The following PC variants were observed in gnomAD, a reference collection of about 807,000 sequenced individuals.
PC encodes pyruvate carboxylase.
PC carries 46 observed loss-of-function variants against 107.8 expected under a neutral mutation model. That is an observed-to-expected ratio of 0.43 (90% CI 0.34 to 0.55). The LOEUF is 0.55. Ranked by LOEUF, PC falls within the 20% of genes least tolerant of loss-of-function variation. The pLI, the probability that PC is intolerant of heterozygous loss-of-function variation, is 0.04. For synonymous variants in PC, 662 were observed against 684.7 expected (o/e 0.97, Z 0.52); for missense variants, 1,241 against 1,643.1 (o/e 0.76, Z 4.23).
chr11:66,883,773 T>G (rs1487205979), intron 3 of PC, among the ~76,000 whole-genome samples: 1 of 152,036 alleles, frequency 6.6e-6, no homozygotes, highest in Non-Finnish European at 1.5e-5. Context: ...ACAATGAGGT[T>G]GCAGAGTGGC....
At chr11:66,897,565 T>C (rs1201477644) in intron 3 of PC, among the ~76,000 whole-genome samples, 2 of 152,076 alleles carry the variant, frequency 1.3e-5, no homozygotes, top group Non-Finnish European at 2.9e-5. Flanking sequence ...GAGAGAGACC[T>C]GCCTACAAAA....
At position 66,852,137 on chromosome 11, in the gene PC, CATTT is replaced by C. The variant is rs1443779262; in HGVS notation, c.1826-195_1826-192del. 1.3e-5 allele frequency among the ~76,000 whole-genome samples: 2 copies of C among 152,214 alleles called. No homozygotes were observed. The highest frequency in any genetic ancestry group is 2.9e-5 in the Non-Finnish European group (2 of 68,038). On this transcript the variant is annotated intron_variant, in intron 15 of 22. Coordinates refer to ENST00000393960, the MANE Select transcript of PC (RefSeq NM_001040716.2). The surrounding 1 kb of genome is among the most constrained non-coding windows in gnomAD (Gnocchi z 4.7). ...TGATCTCTAAGGGGGAGACCAGGCTCATTTGTGTCCCTTCTATGCCCCCTTTATA... is the reference window on the plus strand; with the variant it reads ...TGATCTCTAAGGGGGAGACCAGGCTCGTGTCCCTTCTATGCCCCCTTTATA...
At chr11:66,856,216 C>G (rs1027743809) in intron 12 of PC, among the ~76,000 whole-genome samples, 2 of 152,268 alleles carry the variant, frequency 1.3e-5, no homozygotes, top group East Asian at 1.9e-4. Flanking sequence ...GGCCCGGCGG[C>G]GACAGAGCGG....
intron 3 of PC, among the ~76,000 whole-genome samples, chr11:66,937,339 G>A (rs1347016475): frequency 6.6e-6 from 1 of 152,186 alleles, no homozygotes; most frequent in African/African-American, 2.4e-5. Context: ...GGAGAAATGA[G>A]CTGTTAATCT....
At chr11:66,943,031 TAA>T (rs1949185402) in intron 3 of PC, among the ~76,000 whole-genome samples, 1 of 77,986 alleles carries the variant, frequency 1.3e-5, no homozygotes, top group South Asian at 3.2e-4. Flanking sequence ...AAAAAAAAAG[TAA>T]GTTTAATATC....
At chr11:66,859,168 C>T in intron 12 of PC, 1 of 1,434,976 alleles carries the variant, frequency 7.0e-7, no homozygotes. Context: ...CAAGGCTTTG[C>T]TTCCACCCCT....
At chr11:66,874,084 C>T (rs1426126835) in intron 3 of PC, among the ~76,000 whole-genome samples, 2 of 152,084 alleles carry the variant, frequency 1.3e-5, no homozygotes, top group South Asian at 4.1e-4. Flanking sequence ...CTCAGCCTCC[C>T]GAGTAGCTGG....
In PC at chr11:66,870,707, C is replaced by G; in HGVS notation, c.751+68G>C. ...CTGTCCCCAAGGCCAGCCACTGTGA[C>G]GGCACCAGGACTGGGCCTCTCAGCT... On this transcript the variant is annotated intron_variant, in intron 8 of 22. Transcript: ENST00000393960. The surrounding 1 kb of genome is among the most constrained non-coding windows in gnomAD (Gnocchi z 6.1). 6.9e-7 allele frequency: 1 copy of G among 1,451,786 alleles called. No individual in the cohort carries two copies. Among genetic ancestry groups the G allele is most frequent in the Non-Finnish European group, 9.6e-7 (1 of 1,042,462 alleles). The allele number at this position is 1,451,786 out of a possible 1,614,324, so 89.9% of individuals were successfully genotyped here.
Position 66,863,816 on chromosome 11 carries a change from C to T in PC, c.1326G>A (p.Lys442=), listed in dbSNP as rs1458972426. The change falls in exon 12 of 23, where the codon AAG becomes AAA. Residue 442 remains lysine (K), a synonymous_variant. Coordinates refer to ENST00000393960, the MANE Select transcript of PC (RefSeq NM_001040716.2). ...GGAACTCCGCAAGGGCCCTGCTCATCTTGGTGGCGGCCGTGGGGTGGTCTT... is the reference window on the plus strand; with the variant it reads ...GGAACTCCGCAAGGGCCCTGCTCATTTTGGTGGCGGCCGTGGGGTGGTCTT... ...HGKDHPTAAT[K]MSRALAEFRV... 6.2e-7 allele frequency: 1 copy of T among 1,613,666 alleles called. No homozygotes were observed. Among genetic ancestry groups the T allele is most frequent in the Non-Finnish European group, 8.5e-7 (1 of 1,179,996 alleles).
At chr11:66,943,311 G>C (rs1949195259) in intron 3 of PC, among the ~76,000 whole-genome samples, 1 of 151,862 alleles carries the variant, frequency 6.6e-6, no homozygotes, top group Admixed American at 6.6e-5. Context: ...CGGTCAAAAG[G>C]AGCTGCCTTG....
At chr11:66,920,900 T>C (rs1234982889) in intron 3 of PC, among the ~76,000 whole-genome samples, 1 of 151,652 alleles carries the variant, frequency 6.6e-6, no homozygotes, top group Non-Finnish European at 1.5e-5. Flanking sequence ...TAGCCAGGCA[T>C]GGTGGTAGGT....
rs374295374 is a variant in PC, at chr11:66,849,970, G to A, written c.2865C>T (p.Pro955=). The change falls in exon 20 of 23, where the codon CCC becomes CCT. Residue 955 remains proline (P), a synonymous_variant. Transcript: ENST00000393960. The part of the protein sequence containing the change: ...VEFLQGYIGV[P]HGGFPEPFRS... ...GAAAGGGTTCGGGGAACCCCCCATGGGGGACACCGATGTAGCCCTGCAGGA... is the reference window on the plus strand; with the variant it reads ...GAAAGGGTTCGGGGAACCCCCCATGAGGGACACCGATGTAGCCCTGCAGGA... 3.1e-6 allele frequency: 5 copies of A among 1,613,486 alleles called. No individual in the cohort carries two copies. The African/African-American group carries it at 6.7e-5, about 22-fold the overall frequency.
Position 66,848,732 on chromosome 11 carries a change from C to G in PC, c.*167G>C, listed in dbSNP as rs1945292320. The G allele has an allele frequency of 1.3e-6, 1 of 782,670 alleles. No individual in the cohort carries two copies. The highest frequency in any genetic ancestry group is 2.1e-6 in the Non-Finnish European group (1 of 474,302). 48.5% of individuals were successfully genotyped at this position (782,670 alleles called of 1,614,324 possible). On this transcript the variant is annotated 3_prime_UTR_variant, in exon 23 of 23. Coordinates refer to ENST00000393960, the MANE Select transcript of PC (RefSeq NM_001040716.2). Reference sequence around the variant, plus strand: ...TGTCCGCCGGAGGAAAGGACGATGGCTGAAAGGAATGAACCACCGCAGGCG... The same window carrying G: ...TGTCCGCCGGAGGAAAGGACGATGGGTGAAAGGAATGAACCACCGCAGGCG...
intron 3 of PC, among the ~76,000 whole-genome samples, chr11:66,917,918 G>A (rs1015597189): frequency 6.6e-6 from 1 of 152,152 alleles, no homozygotes; most frequent in African/African-American, 2.4e-5. Flanking sequence ...GGTCCAGGAG[G>A]ACCTCCTGCT....
rs1334537906 is a variant in PC at position 66,858,699 on chromosome 11, G to A, written c.1368+5075C>T. 10 of 1,550,354 alleles carry A rather than the reference G, an allele frequency of 6.5e-6. No homozygotes were observed. The highest frequency in any genetic ancestry group is 2.4e-5 in the East Asian group (1 of 41,348). ...TACCATGCACTGGGTCGGTCCTGACGACCGGTTGGTTGGCAACTCCTCCCG... is the reference window on the plus strand; with the variant it reads ...TACCATGCACTGGGTCGGTCCTGACAACCGGTTGGTTGGCAACTCCTCCCG... On this transcript the variant is annotated intron_variant, in intron 12 of 22. Coordinates refer to ENST00000393960, the MANE Select transcript of PC (RefSeq NM_001040716.2). This position sits in a 1 kb window ranked among gnomAD's most constrained non-coding sequence, Gnocchi z 5.9.
intron 10 of PC, 42 bp downstream of exon 10, chr11:66,868,804 T>C: frequency 6.6e-7 from 1 of 1,515,502 alleles, no homozygotes; most frequent in East Asian, 2.3e-5. Flanking sequence ...ATGCAAATCC[T>C]AGAAGCCGCG....
chr11:66,950,256 T>C (rs1203605239), intron 3 of PC, among the ~76,000 whole-genome samples: 1 of 152,118 alleles, frequency 6.6e-6, no homozygotes, highest in Non-Finnish European at 1.5e-5. Context: ...TCGTGGAATT[T>C]TCCCAAAGCC....
At chr11:66,899,921 T>C (rs1007039127) in intron 3 of PC, among the ~76,000 whole-genome samples, 19 of 152,228 alleles carry the variant, frequency 1.2e-4, no homozygotes, top group Non-Finnish European at 2.2e-4. Context: ...TTTTTGTATA[T>C]GGTATGAGGT....
At chr11:66,931,384 G>GAAAA (rs60081578) in intron 3 of PC, among the ~76,000 whole-genome samples, 11 of 84,944 alleles carry the variant, frequency 1.3e-4, no homozygotes, top group Admixed American at 1.5e-4. Context: ...TCCATCTCAA[G>GAAAA]AAAAAAAAAA....
Sources: allele counts gnomAD v4.1 joint callset (sites outside exome capture counted in the v4.1 genomes callset), GRCh38; gene constraint gnomAD v4.1.1; non-coding constraint Gnocchi (gnomAD v3.1); transcripts MANE v1.5; gene names NCBI Gene and HGNC (gene_info 2026-07-23, HGNC 2026-07-21).